OLR1: variants seen among roughly 807,000 people sequenced by gnomAD.
The protein encoded by OLR1 is oxidized low density lipoprotein receptor 1.
A neutral mutation model predicts 31.7 loss-of-function variants in OLR1; 23 were observed. The ratio of observed to expected loss-of-function variants is 0.72; its 90% CI spans 0.52 to 1.03. OLR1 has a LOEUF of 1.03. OLR1 is among the 50% of genes least tolerant of loss of function. The pLI is 0.00. For missense variants in OLR1, 286 were observed against 315.7 expected (o/e 0.91, Z 0.71); for synonymous variants, 117 against 115.8 (o/e 1.01, Z -0.07).
At chr12:10,163,762 C>T (rs539148827) in intron 3 of OLR1, among the ~76,000 whole-genome samples, 161 of 152,150 alleles carry the variant, frequency 1.1e-3, no homozygotes, top group Non-Finnish European at 1.5e-3. Flanking sequence ...GAAACCCCGT[C>T]TCTACTAAAA....
At chr12:10,168,049 A>T (rs2137517828) in intron 2 of OLR1, among the ~76,000 whole-genome samples, 1 of 152,328 alleles carries the variant, frequency 6.6e-6, no homozygotes, top group East Asian at 1.9e-4. Flanking sequence ...AAAATAAAAT[A>T]GTTTGTGAGC....
intron 3 of OLR1, among the ~76,000 whole-genome samples, chr12:10,165,935 G>A (rs973323477): frequency 2.0e-5 from 3 of 152,182 alleles, no homozygotes; most frequent in African/African-American, 7.2e-5. Flanking sequence ...TTCTTGCCGG[G>A]TGCGGTGGCT....
chr12:10,165,131 C>T (rs186020474), intron 3 of OLR1, among the ~76,000 whole-genome samples: 15 of 152,192 alleles, frequency 9.9e-5, no homozygotes, highest in Non-Finnish European at 1.9e-4. Flanking sequence ...GGTGTGGTGG[C>T]GGGTGCCTCT....
intron 3 of OLR1, among the ~76,000 whole-genome samples, chr12:10,164,303 AC>A (rs1948643747): frequency 6.6e-6 from 1 of 152,192 alleles, no homozygotes; most frequent in Non-Finnish European, 1.5e-5. Flanking sequence ...GCAAGCTCCA[AC>A]TTTAAAGAGA....
At chr12:10,173,040 A>T (rs1418854855), upstream of OLR1, among the ~76,000 whole-genome samples, 1 of 152,210 alleles carries the variant, frequency 6.6e-6, no homozygotes, top group Admixed American at 6.5e-5. Flanking sequence ...AATAAATAAT[A>T]ATTATTAGTA....
intron 5 of OLR1, 110 bp downstream of exon 5, chr12:10,160,237 T>C (rs1453866969): frequency 1.0e-6 from 1 of 976,050 alleles, no homozygotes; most frequent in Non-Finnish European, 1.5e-6. Context: ...CCCAAGCTTC[T>C]CTCTGGCAAG....
chr12:10,166,631 G>A (rs1390370764), intron 3 of OLR1, 81 bp downstream of exon 3: 1 of 1,498,332 alleles, frequency 6.7e-7, no homozygotes, highest in Non-Finnish European at 9.2e-7. Flanking sequence ...CCAATTTTGA[G>A]CCCAGAATTG....
chr12:10,166,461 G>C (rs1183549029), intron 3 of OLR1, among the ~76,000 whole-genome samples: 1 of 151,528 alleles, frequency 6.6e-6, no homozygotes, highest in Non-Finnish European at 1.5e-5. Context: ...CCAGGGGGTG[G>C]AGGTTGCAGT....
upstream of OLR1, among the ~76,000 whole-genome samples, chr12:10,175,125 A>G (rs569402293): frequency 6.6e-6 from 1 of 152,250 alleles, no homozygotes; most frequent in South Asian, 2.1e-4. Context: ...GATCTTGTGT[A>G]ATCCTTCCCC....
At chr12:10,161,940 TA>T (rs1374284064) in intron 3 of OLR1, among the ~76,000 whole-genome samples, 1 of 146,330 alleles carries the variant, frequency 6.8e-6, no homozygotes, top group African/African-American at 2.6e-5. Context: ...TATATATATA[TA>T]TATAAAAAAC....
upstream of OLR1, chr12:10,172,393 GA>G (rs1358819646): frequency 4.8e-6 from 1 of 206,188 alleles, no homozygotes; most frequent in African/African-American, 2.3e-5. Context: ...ACTCTTCAGA[GA>G]CAGAAACTGA....
intron 3 of OLR1, among the ~76,000 whole-genome samples, chr12:10,165,807 AAAG>A (rs1437552919): frequency 6.6e-6 from 1 of 152,148 alleles, no homozygotes; most frequent in African/African-American, 2.4e-5. Context: ...AAAATTTTAA[AAAG>A]AAGAGGCTCT....
Position 10,159,810 on chromosome 12 carries a change from T to C in OLR1, c.*70A>G. The C allele has an allele frequency of 6.8e-7, 1 of 1,471,942 alleles. No individual in the cohort carries two copies. The highest frequency in any genetic ancestry group is 9.1e-7 in the Non-Finnish European group (1 of 1,094,896). 91.2% of individuals were successfully genotyped at this position (1,471,942 alleles called of 1,614,324 possible). On this transcript the variant is annotated 3_prime_UTR_variant, in exon 6 of 6. Coordinates refer to ENST00000309539, the MANE Select transcript of OLR1 (RefSeq NM_002543.4). ...TGGGCTCTCATGTTTGGCACCCAAGTGACAAAGAATAGCTTAAATTCCAGA... is the reference window on the plus strand; with the variant it reads ...TGGGCTCTCATGTTTGGCACCCAAGCGACAAAGAATAGCTTAAATTCCAGA...
rs766092711 is a variant in OLR1 at position 10,166,742 on chromosome 12, C to T, written c.394G>A (p.Glu132Lys). 1 of 1,614,004 alleles carries T rather than the reference C, an allele frequency of 6.2e-7. No homozygotes were observed. The highest frequency in any genetic ancestry group is 8.5e-7 in the Non-Finnish European group (1 of 1,180,010). The change falls in exon 3 of 6, where the codon GAA becomes AAA. Residue 132 changes from glutamate (E) to lysine (K), a missense_variant. Transcript: ENST00000309539. ...CAATTTGCTACTCTCTTCAGTGTTTCTTGGAGATTCAGATTCTGGTGGTGA... is the reference window on the plus strand; with the variant it reads ...CAATTTGCTACTCTCTTCAGTGTTTTTTGGAGATTCAGATTCTGGTGGTGA... ...ELHHQNLNLQ[E>K]TLKRVANCSA...
At chr12:10,164,038 C>T (rs1163753635) in intron 3 of OLR1, among the ~76,000 whole-genome samples, 1 of 152,114 alleles carries the variant, frequency 6.6e-6, no homozygotes, top group Non-Finnish European at 1.5e-5. Context: ...CTTGGTATAT[C>T]TGCCAGCATC....
chr12:10,160,317 G>A, intron 5 of OLR1, 30 bp downstream of exon 5: 8 of 1,531,082 alleles, frequency 5.2e-6, no homozygotes, highest in Non-Finnish European at 7.2e-6. Flanking sequence ...AAACTGACGA[G>A]AGAGGCATCA....
At chr12:10,169,560 T>A (rs1463894362) in intron 1 of OLR1, among the ~76,000 whole-genome samples, 2 of 152,324 alleles carry the variant, frequency 1.3e-5, no homozygotes, top group East Asian at 3.9e-4. Context: ...TCATCCACAG[T>A]GCAGAGAGCC....
chr12:10,162,004 T>C (rs1212201416), intron 3 of OLR1, among the ~76,000 whole-genome samples: 1 of 151,598 alleles, frequency 6.6e-6, no homozygotes, highest in African/African-American at 2.4e-5. Flanking sequence ...AGTATATTAA[T>C]ATAAAGCGAG....
In OLR1 at chr12:10,160,378, A is replaced by T; in HGVS notation, c.649T>A (p.Trp217Arg). The T allele has an allele frequency of 6.2e-7, 1 of 1,613,866 alleles. No homozygotes were observed. The highest frequency in any genetic ancestry group is 8.5e-7 in the Non-Finnish European group (1 of 1,179,886). ...SRRNPSYPWLWEDGSPLMPHL... is the reference protein window; with the variant it reads ...SRRNPSYPWLREDGSPLMPHL... ...GGCATCAAAGGAGAACCGTCCTCCC[A>T]GAGCCATGGGTAGCTGGGGTTCCTC... is the stretch of plus-strand genomic sequence containing the variant. The change falls in exon 5 of 6, where the codon TGG becomes AGG. Residue 217 changes from tryptophan (W) to arginine (R), a missense_variant. Coordinates refer to ENST00000309539, the MANE Select transcript of OLR1 (RefSeq NM_002543.4).
Sources: allele counts gnomAD v4.1 joint callset (sites outside exome capture counted in the v4.1 genomes callset), GRCh38; gene constraint gnomAD v4.1.1; transcripts MANE v1.5; gene names NCBI Gene and HGNC (gene_info 2026-07-23, HGNC 2026-07-21).